Variants in PLXNA4 observed in about 807,000 individuals in gnomAD.
The protein encoded by PLXNA4 is plexin A4, also known as plexin-A4.
PLXNA4 carries 44 observed loss-of-function variants against 191.8 expected under a neutral mutation model. That is an observed-to-expected ratio of 0.23 (90% CI 0.18 to 0.29). The LOEUF is 0.29. Among genes scored for constraint, PLXNA4 ranks in the 10% least tolerant of loss-of-function variants. PLXNA4 has a pLI of 1.00. For synonymous variants in PLXNA4, 1,082 were observed against 1,009.5 expected (o/e 1.07, Z -1.36); for missense variants, 1,800 against 2,488.8 (o/e 0.72, Z 5.89).
intron 2 of PLXNA4, among the ~76,000 whole-genome samples, chr7:132,644,540 G>A (rs536404156): frequency 7.2e-5 from 11 of 152,162 alleles, no homozygotes; most frequent in Non-Finnish European, 1.5e-4. Context: ...CCATCAAAGG[G>A]GCTGGGTGAC....
At chr7:132,573,040 C>T (rs545675272) in intron 1 of PLXNA4, among the ~76,000 whole-genome samples, 5 of 144,854 alleles carry the variant, frequency 3.5e-5, no homozygotes, top group South Asian at 2.2e-4. Context: ...AATGGGCTGG[C>T]GGATGTGCGC....
chr7:132,136,794 C>T (rs147177318), intron 30 of PLXNA4, among the ~76,000 whole-genome samples: 5 of 152,308 alleles, frequency 3.3e-5, no homozygotes, highest in African/African-American at 7.2e-5. Context: ...CCACACACCT[C>T]GAGGATGAAG....
chr7:132,544,282 T>C (rs898079246), intron 1 of PLXNA4, among the ~76,000 whole-genome samples: 2 of 152,140 alleles, frequency 1.3e-5, no homozygotes, highest in African/African-American at 4.8e-5. Flanking sequence ...GGAGAGATGA[T>C]TTCATATGAG....
At chr7:132,258,318 C>T (rs1157199751) in intron 4 of PLXNA4, among the ~76,000 whole-genome samples, 4 of 152,268 alleles carry the variant, frequency 2.6e-5, no homozygotes, top group East Asian at 1.9e-4. Context: ...GTTAGCTTTG[C>T]ATGCCTCAGC....
rs1444586597 is a variant in PLXNA4 at position 132,179,752 on chromosome 7, G to A, written c.3809C>T (p.Thr1270Met). 2 of 1,614,168 alleles carry A rather than the reference G, an allele frequency of 1.2e-6. No individual in the cohort carries two copies. Among genetic ancestry groups the A allele is most frequent in the Non-Finnish European group, 8.5e-7 (1 of 1,180,040 alleles). Reference sequence around the variant, plus strand: ...CATCTGCATCTGCAGCCGCTTCAGCGTGAGGTCACTTTCGCGGGACTTGCG... The same window carrying A: ...CATCTGCATCTGCAGCCGCTTCAGCATGAGGTCACTTTCGCGGGACTTGCG... ...YKRKSRESDL[T>M]LKRLQMQMDN... Residue 1270 changes from threonine to methionine, a missense_variant, in exon 20 of 32, where the codon ACG (threonine) becomes ATG (methionine). By Grantham distance (81) the Thr-to-Met change is moderately conservative. Around this residue, in one of 6 missense-constraint regions of PLXNA4, gnomAD observed 1,397 missense variants for 1,880.4 expected, o/e 0.74. Coordinates refer to ENST00000321063, the MANE Select transcript of PLXNA4 (RefSeq NM_020911.2).
Position 132,316,733 on chromosome 7 carries a change from T to A in PLXNA4, c.1372-18511A>T, listed in dbSNP as rs182628012. 1.6e-3 allele frequency among the ~76,000 whole-genome samples: 237 copies of A among 152,314 alleles called. 2 individuals are homozygous for A. The highest frequency in any genetic ancestry group is 5.6e-3 in the African/African-American group (234 of 41,578). On this transcript the variant is annotated intron_variant, in intron 3 of 31. Transcript: ENST00000321063. Reference sequence around the variant, plus strand: ...TGTAGCTTCATTAGGTCTCTTAACTTCTGAACCTGTTGTTCTTACCATGCT... The same window carrying A: ...TGTAGCTTCATTAGGTCTCTTAACTACTGAACCTGTTGTTCTTACCATGCT...
At chr7:132,592,879 A>C (rs568878303) in intron 2 of PLXNA4, among the ~76,000 whole-genome samples, 22 of 151,870 alleles carry the variant, frequency 1.4e-4, no homozygotes, top group Non-Finnish European at 1.8e-4. Context: ...AAAAAAAAAA[A>C]CCCGAAGACC....
intron 12 of PLXNA4, among the ~76,000 whole-genome samples, chr7:132,202,052 C>G (rs192017651): frequency 1.8e-3 from 271 of 152,278 alleles, no homozygotes; most frequent in Non-Finnish European, 3.0e-3. Flanking sequence ...GCTGGTGGAG[C>G]CTGGATTCAA....
chr7:132,175,034 C>G, intron 20 of PLXNA4, 114 bp from the exon 21 acceptor site: 1 of 1,473,490 alleles, frequency 6.8e-7, no homozygotes. Context: ...AGCAATGGAC[C>G]ACGATGGGCG....
intron 25 of PLXNA4, among the ~76,000 whole-genome samples, chr7:132,150,874 T>G (rs2116587606): frequency 6.6e-6 from 1 of 152,336 alleles, no homozygotes; most frequent in South Asian, 2.1e-4. Flanking sequence ...AGCTGTGCAG[T>G]GCACAGCCTG....
intron 3 of PLXNA4, among the ~76,000 whole-genome samples, chr7:132,303,547 C>A (rs549093820): frequency 6.6e-6 from 1 of 151,948 alleles, no homozygotes; most frequent in Non-Finnish European, 1.5e-5. Flanking sequence ...CCAGCCTGGG[C>A]GACAGAGCAA....
At chr7:132,331,192 C>T (rs1489115618) in intron 3 of PLXNA4, among the ~76,000 whole-genome samples, 1 of 152,220 alleles carries the variant, frequency 6.6e-6, no homozygotes, top group Non-Finnish European at 1.5e-5. Context: ...GAAGAGCAAT[C>T]AGGAGGCAGA....
chr7:132,454,791 C>A (rs1390816786), intron 3 of PLXNA4, among the ~76,000 whole-genome samples: 1 of 151,922 alleles, frequency 6.6e-6, no homozygotes, highest in African/African-American at 2.4e-5. Flanking sequence ...AGAGAGAAGC[C>A]TGAGGAGAAG....
chr7:132,183,933 T>C (rs1796793910), intron 16 of PLXNA4, among the ~76,000 whole-genome samples: 1 of 152,240 alleles, frequency 6.6e-6, no homozygotes, highest in Non-Finnish European at 1.5e-5. Flanking sequence ...TACTCAACTC[T>C]GCTGTTATAG....
intron 3 of PLXNA4, among the ~76,000 whole-genome samples, chr7:132,382,655 G>A: frequency 6.6e-6 from 1 of 152,162 alleles, no homozygotes; most frequent in East Asian, 1.9e-4. Flanking sequence ...CACTGGCATG[G>A]TCTGCAATAA....
At chr7:132,360,797 C>T (rs1425048729) in intron 3 of PLXNA4, among the ~76,000 whole-genome samples, 3 of 152,140 alleles carry the variant, frequency 2.0e-5, no homozygotes, top group Non-Finnish European at 4.4e-5. Context: ...TTAGCATGCC[C>T]AGTCCTGCAC....
chr7:132,374,980 C>A (rs188399715), intron 3 of PLXNA4, among the ~76,000 whole-genome samples: 4 of 152,322 alleles, frequency 2.6e-5, no homozygotes, highest in Non-Finnish European at 5.9e-5. Flanking sequence ...ACAATGTGCA[C>A]AAGTCTGTGT....
chr7:132,463,673 C>G (rs935306152), intron 3 of PLXNA4, among the ~76,000 whole-genome samples: 1 of 152,196 alleles, frequency 6.6e-6, no homozygotes, highest in Non-Finnish European at 1.5e-5. Flanking sequence ...TTAATCTGCT[C>G]ATTCTTCCCT....
chr7:132,209,175 C>T (rs1797719519), intron 10 of PLXNA4, among the ~76,000 whole-genome samples: 1 of 152,228 alleles, frequency 6.6e-6, no homozygotes, highest in Non-Finnish European at 1.5e-5. Context: ...AACCAAAGGC[C>T]AGGCCATGGG....
Sources: allele counts gnomAD v4.1 joint callset (sites outside exome capture counted in the v4.1 genomes callset), GRCh38; gene constraint gnomAD v4.1.1; regional missense constraint gnomAD v4.1.1; transcripts MANE v1.5; gene names NCBI Gene and HGNC (gene_info 2026-07-23, HGNC 2026-07-21).